RERE: variants seen among roughly 807,000 people sequenced by gnomAD.
The protein encoded by RERE is arginine-glutamic acid dipeptide repeats, also known as arginine-glutamic acid dipeptide repeats protein.
Under a neutral mutation model 146.1 loss-of-function variants are expected in RERE, and 40 were observed. The observed-to-expected ratio is 0.27, with a 90% CI of 0.21 to 0.36. The LOEUF is 0.36. Among genes scored for constraint, RERE ranks in the 10% least tolerant of loss-of-function variants. The pLI is 1.00. For missense variants in RERE, 1,933 were observed against 2,138.7 expected (o/e 0.90, Z 1.90); for synonymous variants, 1,003 against 866.0 (o/e 1.16, Z -2.78).
At chr1:8,489,681 C>T (rs10864354) in intron 10 of RERE, among the ~76,000 whole-genome samples, 102,479 of 152,000 alleles carry the variant, frequency 0.67, 35,489 homozygotes, top group East Asian at 0.84. Context: ...TAACTGACAA[C>T]ACCAAGTCTT....
At chr1:8,684,795 A>G (rs1285783588) in intron 1 of RERE, among the ~76,000 whole-genome samples, 1 of 152,222 alleles carries the variant, frequency 6.6e-6, no homozygotes, top group East Asian at 1.9e-4. Flanking sequence ...GGTCACCTCC[A>G]GAAGCTAAAT....
At chr1:8,479,690 T>C (rs931554665) in intron 10 of RERE, among the ~76,000 whole-genome samples, 2 of 152,198 alleles carry the variant, frequency 1.3e-5, no homozygotes, top group Non-Finnish European at 2.9e-5. Context: ...AAGAGTGGGC[T>C]CTGCCAGGAG....
chr1:8,621,477 A>G (rs1288893116), intron 3 of RERE, among the ~76,000 whole-genome samples: 1 of 152,122 alleles, frequency 6.6e-6, no homozygotes, highest in African/African-American at 2.4e-5. Flanking sequence ...CGTACCTACT[A>G]ATGTGTATCA....
At chr1:8,458,274 G>C (rs996629903) in intron 11 of RERE, among the ~76,000 whole-genome samples, 2 of 152,126 alleles carry the variant, frequency 1.3e-5, no homozygotes, top group African/African-American at 4.8e-5. Flanking sequence ...ATGATAGAGA[G>C]TGGCTGAAAG....
Position 8,360,734 on chromosome 1 carries a change from T to C in RERE, c.2773A>G (p.Met925Val), listed in dbSNP as rs148082830. 2.4e-4 allele frequency: 375 copies of C among 1,594,800 alleles called. 3 individuals carry two copies. The African/African-American group carries it at 4.1e-3, about 18-fold the overall frequency. ...GTAGGCGGGGGCTTGATGTGGGGCA[T>C]GGCCAAGGGCGCTGGTGGCAGGGGC... Reference protein sequence around the residue: ...EQPLPPAPLAMPHIKPPPTTP... With the variant: ...EQPLPPAPLAVPHIKPPPTTP... The change falls in exon 18 of 23, where the codon ATG becomes GTG. Residue 925 changes from methionine (M) to valine (V), a missense_variant. This residue lies in a region of RERE where 1,255 missense variants were observed against 1,153.8 expected (regional missense o/e 1.09). Coordinates refer to ENST00000400908, the MANE Select transcript of RERE (RefSeq NM_001042681.2).
chr1:8,724,875 T>TAAAAAAAAAAA lies in RERE; in HGVS notation c.-144-68445_-144-68435dup, dbSNP rs1176635924. ...TTACCTTTTATTTCTAGATACTTTG[T>TAAAAAAAAAAA]AAAAAAAAAAAAAAACAACTCAACC... is the stretch of plus-strand genomic sequence containing the variant. On this transcript the variant is annotated intron_variant, in intron 1 of 22. Coordinates refer to ENST00000400908, the MANE Select transcript of RERE (RefSeq NM_001042681.2). 1.9e-3 allele frequency among the ~76,000 whole-genome samples: 225 copies of TAAAAAAAAAAA among 120,680 alleles called. 1 individual carries two copies. Among genetic ancestry groups the TAAAAAAAAAAA allele is most frequent in the Non-Finnish European group, 2.5e-3 (144 of 56,990 alleles). 79.2% of individuals were successfully genotyped at this position (120,680 alleles called of 152,430 possible).
intron 4 of RERE, among the ~76,000 whole-genome samples, chr1:8,581,800 C>T (rs1646368938): frequency 6.6e-6 from 1 of 152,140 alleles, no homozygotes; most frequent in South Asian, 2.1e-4. Flanking sequence ...GCATTTTAAT[C>T]TTACTTTGTA....
chr1:8,508,343 G>A (rs772671580), intron 8 of RERE, among the ~76,000 whole-genome samples: 3 of 152,184 alleles, frequency 2.0e-5, no homozygotes, highest in Non-Finnish European at 2.9e-5. Context: ...TACTGTTTAC[G>A]GGTACAGAAT....
intron 8 of RERE, among the ~76,000 whole-genome samples, chr1:8,502,215 G>T (rs1378647122): frequency 3.1e-5 from 3 of 96,096 alleles, no homozygotes; most frequent in Non-Finnish European, 6.3e-5. Context: ...GAGGTGGGGG[G>T]ATCAGCCCCC....
rs1159373665 is a variant in RERE at position 8,624,301 on chromosome 1, A to G, written c.396+9T>C. Reference sequence around the variant, plus strand: ...AGAGCAGAGTGAACAGCACATTAAAAACGCTTACCAGTTTGAAGTCTTGAA... The same window carrying G: ...AGAGCAGAGTGAACAGCACATTAAAGACGCTTACCAGTTTGAAGTCTTGAA... On this transcript the variant is annotated intron_variant, in intron 3 of 22. Transcript: ENST00000400908. 6.2e-7 allele frequency: 1 copy of G among 1,604,064 alleles called. No individual in the cohort carries two copies.
rs545070812 is a variant in RERE, at chr1:8,358,968, G to A, written c.3619-52C>T. 9.2e-5 allele frequency: 137 copies of A among 1,495,380 alleles called. 1 individual carries two copies. The Middle Eastern group carries it at 2.0e-3, about 21-fold the overall frequency. 92.6% of individuals were successfully genotyped at this position (1,495,380 alleles called of 1,614,324 possible). On this transcript the variant is annotated intron_variant, in intron 19 of 22. Transcript: ENST00000400908. ...GGTCCCCCGAGCGCCTGGGGTCTCC[G>A]CTTGGTCCACACTGCGGAGGTGGGC... is the stretch of plus-strand genomic sequence containing the variant.
intron 10 of RERE, among the ~76,000 whole-genome samples, chr1:8,494,704 C>G (rs1038486854): frequency 6.6e-6 from 1 of 151,978 alleles, no homozygotes. Context: ...GAGACTCCAT[C>G]TCAAAAAAAT....
At chr1:8,569,482 G>A (rs1268297580) in intron 4 of RERE, among the ~76,000 whole-genome samples, 1 of 152,096 alleles carries the variant, frequency 6.6e-6, no homozygotes, top group Non-Finnish European at 1.5e-5. Flanking sequence ...AAAGGGTGGG[G>A]AATTTCTCAC....
chr1:8,392,010 G>A (rs2124426876), intron 12 of RERE, among the ~76,000 whole-genome samples: 1 of 152,332 alleles, frequency 6.6e-6, no homozygotes, highest in Non-Finnish European at 1.5e-5. Flanking sequence ...CTGGACAGCA[G>A]AGTGAGACTC....
At chr1:8,373,325 A>C (rs1642114301) in intron 12 of RERE, among the ~76,000 whole-genome samples, 1 of 152,210 alleles carries the variant, frequency 6.6e-6, no homozygotes, top group African/African-American at 2.4e-5. Context: ...TCCCCTGCTT[A>C]AACTTTTGTT....
intron 1 of RERE, among the ~76,000 whole-genome samples, chr1:8,733,699 C>G (rs1569664576): frequency 6.6e-6 from 1 of 152,252 alleles, no homozygotes; most frequent in African/African-American, 2.4e-5. Flanking sequence ...GAAGGGACCT[C>G]AAGCCACTCC....
intron 11 of RERE, among the ~76,000 whole-genome samples, chr1:8,457,703 T>C (rs1422076862): frequency 6.6e-6 from 1 of 151,698 alleles, no homozygotes; most frequent in African/African-American, 2.4e-5. Flanking sequence ...CCTGGGGAGG[T>C]GATTCTCCTG....
intron 8 of RERE, among the ~76,000 whole-genome samples, chr1:8,499,053 C>T (rs1366364925): frequency 6.6e-6 from 1 of 151,950 alleles, no homozygotes; most frequent in East Asian, 1.9e-4. Flanking sequence ...CATTTTCTCA[C>T]CCACACTCTG....
At chr1:8,667,009 C>G (rs1386534880) in intron 1 of RERE, among the ~76,000 whole-genome samples, 1 of 152,142 alleles carries the variant, frequency 6.6e-6, no homozygotes, top group African/African-American at 2.4e-5. Flanking sequence ...CAAAGAGCAG[C>G]CTTTGTGGTA....
Sources: gnomAD v4.1 joint callset for allele counts (sites outside exome capture counted in the v4.1 genomes callset) on GRCh38, gnomAD v4.1.1 for gene constraint, gnomAD v4.1.1 regional missense constraint, MANE v1.5 for transcripts, NCBI Gene and HGNC (gene_info 2026-07-23, HGNC 2026-07-21) for gene names.